Variants in CSMD1 observed in about 807,000 individuals in gnomAD.
CSMD1 encodes the protein CUB and Sushi multiple domains 1.
In CSMD1, 213 loss-of-function variants were observed where a neutral mutation model predicts 417.5. The ratio of observed to expected loss-of-function variants is 0.51; its 90% CI spans 0.46 to 0.57. CSMD1 has a LOEUF of 0.57. CSMD1 is among the 20% of genes least tolerant of loss of function. The probability of loss-of-function intolerance (pLI) is 0.00; values close to 1 mark genes in which losing one functional copy is unlikely to be tolerated. For missense variants in CSMD1, 6,923 were observed against 4,529.7 expected (o/e 1.53, Z -15.17); for synonymous variants, 2,862 against 1,736.8 (o/e 1.65, Z -16.11).
At chr8:4,124,671 T>C (rs1335077326) in intron 3 of CSMD1, among the ~76,000 whole-genome samples, 1 of 152,202 alleles carries the variant, frequency 6.6e-6, no homozygotes, top group African/African-American at 2.4e-5. Flanking sequence ...GTGGCTAATC[T>C]GGCTGGACTT....
intron 5 of CSMD1, among the ~76,000 whole-genome samples, chr8:3,880,221 G>C (rs1381233427): frequency 2.0e-5 from 3 of 152,054 alleles, no homozygotes; most frequent in East Asian, 1.9e-4. Context: ...GCAATTTCAG[G>C]TGCAATTCTA....
chr8:4,960,847 G>C (rs1024184168), intron 1 of CSMD1, among the ~76,000 whole-genome samples: 3 of 152,042 alleles, frequency 2.0e-5, no homozygotes, highest in African/African-American at 7.2e-5. Context: ...TACATCATAA[G>C]TTATATAATA....
At chr8:3,875,220 C>A (rs370176293) in intron 5 of CSMD1, among the ~76,000 whole-genome samples, 17 of 152,106 alleles carry the variant, frequency 1.1e-4, no homozygotes, top group Admixed American at 3.3e-4. Context: ...CGGGAGCCAC[C>A]ACAATGGTCC....
In CSMD1 at chr8:2,949,348, T is replaced by C; in HGVS notation, c.10353A>G (p.Gln3451=). 6.2e-7 allele frequency: 1 copy of C among 1,607,658 alleles called. No individual in the cohort carries two copies. ...CAAAGTCTTTTCCATGAATGTCACCTTGAAAAGTAAATCCTCCTCTTTCAA... is the reference window on the plus strand; with the variant it reads ...CAAAGTCTTTTCCATGAATGTCACCCTGAAAAGTAAATCCTCCTCTTTCAA... ...SGLERGGFTF[Q]GDIHGKDFGK... Residue 3451 remains glutamine (Q), a synonymous_variant, in exon 68 of 70, where the codon CAA becomes CAG. Transcript: ENST00000635120.
intron 1 of CSMD1, among the ~76,000 whole-genome samples, chr8:4,813,988 G>C (rs1799060519): frequency 6.6e-6 from 1 of 152,136 alleles, no homozygotes; most frequent in Non-Finnish European, 1.5e-5. Context: ...ATCAACAATT[G>C]TTGCATAATT....
At chr8:3,394,694 A>G (rs1056004947) in intron 17 of CSMD1, among the ~76,000 whole-genome samples, 10 of 152,134 alleles carry the variant, frequency 6.6e-5, no homozygotes, top group African/African-American at 1.7e-4. Context: ...ACAAATTCAG[A>G]TCACTGCAAT....
intron 5 of CSMD1, among the ~76,000 whole-genome samples, chr8:3,798,041 AT>A (rs1283913945): frequency 1.3e-5 from 2 of 151,836 alleles, no homozygotes; most frequent in African/African-American, 4.8e-5. Context: ...TTTTTTGACC[AT>A]TTTTATTTCT....
intron 18 of CSMD1, among the ~76,000 whole-genome samples, chr8:3,379,485 T>A (rs1442691939): frequency 1.3e-5 from 2 of 152,182 alleles, no homozygotes; most frequent in African/African-American, 4.8e-5. Flanking sequence ...TCGTGCTACC[T>A]GACTTCGAAC....
chr8:2,939,001 G>T (rs746054308), intron 69 of CSMD1, among the ~76,000 whole-genome samples: 3 of 152,162 alleles, frequency 2.0e-5, no homozygotes, highest in Non-Finnish European at 4.4e-5. Context: ...GTCTCACTCT[G>T]TTACCCAGGC....
At chr8:4,164,954 T>C (rs1281318055) in intron 3 of CSMD1, among the ~76,000 whole-genome samples, 1 of 152,090 alleles carries the variant, frequency 6.6e-6, no homozygotes, top group East Asian at 1.9e-4. Flanking sequence ...ATTATCTGTT[T>C]CAACTGAGCA....
At chr8:4,133,540 C>G (rs1245693774) in intron 3 of CSMD1, among the ~76,000 whole-genome samples, 1 of 152,172 alleles carries the variant, frequency 6.6e-6, no homozygotes, top group Admixed American at 6.5e-5. Flanking sequence ...TTCTCCTCCT[C>G]ATGGTATAAG....
intron 5 of CSMD1, among the ~76,000 whole-genome samples, chr8:3,915,571 A>C (rs1389558957): frequency 2.0e-5 from 3 of 151,738 alleles, no homozygotes; most frequent in African/African-American, 7.3e-5. Context: ...ATAATTCTAT[A>C]ATAGTCAGAC....
chr8:4,619,142 T>C (rs528020332), intron 2 of CSMD1, among the ~76,000 whole-genome samples: 1 of 152,256 alleles, frequency 6.6e-6, no homozygotes, highest in South Asian at 2.1e-4. Flanking sequence ...ATTTAACTCA[T>C]GAGAAAGAAA....
At chr8:4,162,144 C>A (rs756328718) in intron 3 of CSMD1, among the ~76,000 whole-genome samples, 14 of 152,142 alleles carry the variant, frequency 9.2e-5, no homozygotes, top group East Asian at 1.9e-4. Context: ...TAAACCAGTG[C>A]GACATCGTAA....
intron 1 of CSMD1, among the ~76,000 whole-genome samples, chr8:4,820,496 A>T (rs1186428195): frequency 5.3e-5 from 8 of 152,162 alleles, no homozygotes; most frequent in Non-Finnish European, 5.9e-5. Flanking sequence ...AAAGAGCCAT[A>T]AGGAAATGGC....
intron 11 of CSMD1, among the ~76,000 whole-genome samples, chr8:3,488,399 T>G (rs1051414753): frequency 1.3e-5 from 2 of 152,158 alleles, no homozygotes; most frequent in Non-Finnish European, 2.9e-5. Flanking sequence ...TATACCAGCA[T>G]GCCTGGCCAA....
intron 7 of CSMD1, among the ~76,000 whole-genome samples, chr8:3,646,835 G>T (rs950666299): frequency 3.9e-5 from 6 of 151,932 alleles, no homozygotes; most frequent in Non-Finnish European, 5.9e-5. Flanking sequence ...CCTCCCACCC[G>T]CTGGCTGCTT....
intron 2 of CSMD1, among the ~76,000 whole-genome samples, chr8:4,560,356 CATT>C (rs750350172): frequency 6.6e-6 from 1 of 152,192 alleles, no homozygotes; most frequent in Non-Finnish European, 1.5e-5. Context: ...TTGCCTGAGT[CATT>C]ATATTTCTTC....
chr8:3,106,001 C>G (rs576967327), intron 46 of CSMD1, among the ~76,000 whole-genome samples: 1 of 152,156 alleles, frequency 6.6e-6, no homozygotes, highest in African/African-American at 2.4e-5. Flanking sequence ...TTGATATGGC[C>G]TTGGTTTATT....
Sources: allele counts gnomAD v4.1 joint callset (sites outside exome capture counted in the v4.1 genomes callset), GRCh38; gene constraint gnomAD v4.1.1; transcripts MANE v1.5; gene names NCBI Gene and HGNC (gene_info 2026-07-23, HGNC 2026-07-21).